TRUB1: variants seen among roughly 807,000 people sequenced by gnomAD.
TRUB1 encodes the protein pseudouridylate synthase TRUB1.
Under a neutral mutation model 33.9 loss-of-function variants are expected in TRUB1, and 23 were observed. That is an observed-to-expected ratio of 0.68 (90% CI 0.49 to 0.96). The LOEUF is 0.96. Among genes scored for constraint, TRUB1 ranks in the 40% least tolerant of loss-of-function variants. The probability of loss-of-function intolerance (pLI) is 0.00; values close to 1 mark genes in which losing one functional copy is unlikely to be tolerated. For missense variants in TRUB1, 378 were observed against 422.2 expected (o/e 0.90, Z 0.92); for synonymous variants, 163 against 165.4 (o/e 0.99, Z 0.11).
chr10:114,945,985 G>A (rs577411852), intron 2 of TRUB1, among the ~76,000 whole-genome samples: 20 of 152,272 alleles, frequency 1.3e-4, no homozygotes, highest in African/African-American at 3.4e-4. Context: ...TGTGATTTCC[G>A]AGGAGAGAGA....
chr10:114,974,144 C>G (rs1314242977), intron 6 of TRUB1, among the ~76,000 whole-genome samples, 185 bp from the exon 7 acceptor site: 1 of 152,168 alleles, frequency 6.6e-6, no homozygotes, highest in East Asian at 1.9e-4. Context: ...TTTCTCCACA[C>G]TCTGACTTTT....
chr10:114,938,495 C>T lies in TRUB1; in HGVS notation c.242C>T (p.Thr81Ile). 6.4e-7 allele frequency: 1 copy of T among 1,570,386 alleles called. No individual in the cohort carries two copies. The highest frequency in any genetic ancestry group is 8.6e-7 in the Non-Finnish European group (1 of 1,161,848). The change falls in exon 1 of 8, where the codon ACT (threonine) becomes ATT (isoleucine). Residue 81 changes from threonine (T) to isoleucine (I), a missense_variant. By Grantham distance (89) the Thr-to-Ile change is moderately conservative. Transcript: ENST00000298746. Reference sequence around the variant, plus strand: ...GCCGTGCACAAGCCCAAAGGGCCCACTTCAGCCGAGCTGCTGAATCGGTTG... The same window carrying T: ...GCCGTGCACAAGCCCAAAGGGCCCATTTCAGCCGAGCTGCTGAATCGGTTG... ...VFAVHKPKGP[T>I]SAELLNRLKE...
intron 2 of TRUB1, among the ~76,000 whole-genome samples, chr10:114,947,717 A>G (rs7100802): frequency 0.015 from 2,241 of 152,348 alleles, 66 homozygotes; most frequent in African/African-American, 0.052. Flanking sequence ...TTTAATGGCT[A>G]TAAAATGTTC....
intron 5 of TRUB1, among the ~76,000 whole-genome samples, chr10:114,970,837 T>TGC (rs2084333659): frequency 1.3e-5 from 2 of 152,222 alleles, no homozygotes; most frequent in African/African-American, 4.8e-5. Flanking sequence ...GCATGTCAGG[T>TGC]GCTGGGACCA....
chr10:114,942,577 C>A, intron 1 of TRUB1, 68 bp from the exon 2 acceptor site: 1 of 1,083,520 alleles, frequency 9.2e-7, no homozygotes, highest in East Asian at 2.4e-5. Context: ...CTTTTCCTCC[C>A]AAGTTTATGA....
chr10:114,955,985 T>C (rs2084260025), intron 3 of TRUB1, among the ~76,000 whole-genome samples: 1 of 152,192 alleles, frequency 6.6e-6, no homozygotes, highest in African/African-American at 2.4e-5. Flanking sequence ...TTGTGAAGGT[T>C]TAAATCACAA....
chr10:114,946,205 G>A (rs548200924), intron 2 of TRUB1, among the ~76,000 whole-genome samples: 4 of 152,218 alleles, frequency 2.6e-5, no homozygotes, highest in East Asian at 3.9e-4. Flanking sequence ...TTCACTGAAC[G>A]TGTCTTCATC....
At chr10:114,939,315 A>G (rs1487594717) in intron 1 of TRUB1, among the ~76,000 whole-genome samples, 1 of 152,232 alleles carries the variant, frequency 6.6e-6, no homozygotes, top group African/African-American at 2.4e-5. Context: ...GACATATACA[A>G]TAAGCCAGGT....
chr10:114,958,231 T>C (rs928772792), intron 3 of TRUB1, among the ~76,000 whole-genome samples: 1 of 152,178 alleles, frequency 6.6e-6, no homozygotes, highest in African/African-American at 2.4e-5. Context: ...TTAGTCGAGG[T>C]TGATTGTCCC....
At chr10:114,953,394 GT>G (rs1314185858) in intron 3 of TRUB1, among the ~76,000 whole-genome samples, 1 of 152,070 alleles carries the variant, frequency 6.6e-6, no homozygotes, top group Admixed American at 6.5e-5. Context: ...TTATGTACCT[GT>G]TAAAAGAACT....
intron 4 of TRUB1, among the ~76,000 whole-genome samples, chr10:114,960,511 C>A (rs535234546): frequency 6.6e-6 from 1 of 152,192 alleles, no homozygotes; most frequent in South Asian, 2.1e-4. Flanking sequence ...CATAGGCAAG[C>A]CAGCATTTGG....
At chr10:114,956,253 T>C (rs771286358) in intron 3 of TRUB1, among the ~76,000 whole-genome samples, 5 of 152,184 alleles carry the variant, frequency 3.3e-5, no homozygotes, top group Admixed American at 3.3e-4. Context: ...TTTGTTGCAG[T>C]AGAATTACAT....
At chr10:114,951,278 G>A (rs182839402) in intron 3 of TRUB1, 129 bp downstream of exon 3, 6 of 600,388 alleles carry the variant, frequency 1.0e-5, no homozygotes, top group African/African-American at 9.5e-5. Flanking sequence ...TATTAATTAT[G>A]TCTATAAACA....
intron 1 of TRUB1, among the ~76,000 whole-genome samples, chr10:114,941,368 CA>C (rs1185385532): frequency 4.6e-5 from 7 of 151,158 alleles, no homozygotes; most frequent in African/African-American, 1.7e-4. Flanking sequence ...GACAGGATCT[CA>C]CTCTGTTGCC....
Position 114,953,870 on chromosome 10 carries a change from G to A in TRUB1, c.441+2721G>A, listed in dbSNP as rs535456316. ...TCTTTTAAACAGCCAGATCTCGCGT[G>A]AACTCATTGCAGGGAGGGCACCAAG... On this transcript the variant is annotated intron_variant, in intron 3 of 7. Transcript: ENST00000298746. Among the ~76,000 whole-genome samples, 90 of 152,202 alleles carry A rather than the reference G, an allele frequency of 5.9e-4. 1 individual carries two copies. The highest frequency in any genetic ancestry group is 2.0e-3 in the African/African-American group (85 of 41,504).
chr10:114,967,099 G>T (rs2084311806), intron 4 of TRUB1, among the ~76,000 whole-genome samples: 1 of 152,102 alleles, frequency 6.6e-6, no homozygotes, highest in East Asian at 1.9e-4. Flanking sequence ...AGTATCAAGG[G>T]TGCCTTCATA....
chr10:114,938,666 G>T (rs1388329046), intron 1 of TRUB1, 127 bp downstream of exon 1: 2 of 1,085,274 alleles, frequency 1.8e-6, no homozygotes, highest in East Asian at 2.8e-5. Context: ...CATTGAATTA[G>T]CTCTGGACAG....
At chr10:114,967,210 T>C (rs988472563) in intron 4 of TRUB1, among the ~76,000 whole-genome samples, 1 of 152,176 alleles carries the variant, frequency 6.6e-6, no homozygotes, top group African/African-American at 2.4e-5. Flanking sequence ...GACGTTCCCC[T>C]CTCTGTCCCA....
At chr10:114,957,208 A>G (rs1031482225) in intron 3 of TRUB1, among the ~76,000 whole-genome samples, 1 of 152,230 alleles carries the variant, frequency 6.6e-6, no homozygotes, top group Admixed American at 6.5e-5. Flanking sequence ...TGCAGAAAGT[A>G]AGGATCAATA....
Sources: gnomAD v4.1 joint callset for allele counts (sites outside exome capture counted in the v4.1 genomes callset) on GRCh38, gnomAD v4.1.1 for gene constraint, MANE v1.5 for transcripts, NCBI Gene and HGNC (gene_info 2026-07-23, HGNC 2026-07-21) for gene names.